The following PRTFDC1 variants were observed in gnomAD, a reference collection of about 807,000 sequenced individuals.
PRTFDC1 encodes phosphoribosyltransferase domain-containing protein 1.
Under a neutral mutation model 34.6 loss-of-function variants are expected in PRTFDC1, and 38 were observed. That is an observed-to-expected ratio of 1.10 (90% CI 0.85 to 1.44). The LOEUF is 1.44. PRTFDC1 is among the 40% of genes most tolerant of loss of function. The pLI is 0.00. For synonymous variants in PRTFDC1, 93 were observed against 98.1 expected, an observed-to-expected ratio of 0.95 and a Z score of 0.31; for missense variants, 270 against 283.0, an observed-to-expected ratio of 0.95 and a Z score of 0.33.
At chr10:24,900,576 T>A (rs551987441) in intron 3 of PRTFDC1, among the ~76,000 whole-genome samples, 1 of 152,236 alleles carries the variant, frequency 6.6e-6, no homozygotes, top group Non-Finnish European at 1.5e-5. Context: ...TGTGAAAGGA[T>A]AACTTGCTGA....
At chr10:24,907,052 A>C (rs1261763975) in intron 3 of PRTFDC1, among the ~76,000 whole-genome samples, 1 of 152,198 alleles carries the variant, frequency 6.6e-6, no homozygotes, top group Non-Finnish European at 1.5e-5. Context: ...AGTATAGATA[A>C]GTATAAAAAT....
At chr10:24,880,813 C>CTCTCTCTTTCTT (rs1555046617) in intron 3 of PRTFDC1, among the ~76,000 whole-genome samples, 7 of 115,016 alleles carry the variant, frequency 6.1e-5, no homozygotes, top group African/African-American at 2.0e-4. Context: ...TACTGTCTTT[C>CTCTCTCTTTCTT]TCTTTCTTTC....
chr10:24,862,720 C>T (rs1444537891), intron 4 of PRTFDC1, among the ~76,000 whole-genome samples: 2 of 151,844 alleles, frequency 1.3e-5, no homozygotes, highest in East Asian at 3.9e-4. Flanking sequence ...TATGGCAACC[C>T]TGTGTTGAGC....
rs753571614 is a variant in PRTFDC1, at chr10:24,937,230, C to A, written c.293G>T (p.Arg98Leu). Residue 98 changes from arginine to leucine, a missense_variant, in exon 3 of 9, where the codon CGA (arginine) becomes CTA (leucine). Arg to Leu is a moderately radical substitution (Grantham distance 102). Coordinates refer to ENST00000320152, the MANE Select transcript of PRTFDC1 (RefSeq NM_020200.7). ...HLKNISRNSD[R>L]FVSMKVDFIR... is the part of the protein sequence containing the mutation. ...GAAATCAACCTTCATTGAGACAAAT[C>A]GATCTGAATTTCGGCTGATGTTCTT... is the stretch of plus-strand genomic sequence containing the variant. 3.1e-6 allele frequency: 5 copies of A among 1,613,806 alleles called. No individual in the cohort carries two copies. The highest frequency in any genetic ancestry group is 1.3e-5 in the African/African-American group (1 of 74,982).
chr10:24,913,907 T>G (rs1262911133), intron 3 of PRTFDC1, among the ~76,000 whole-genome samples: 1 of 152,182 alleles, frequency 6.6e-6, no homozygotes, highest in Non-Finnish European at 1.5e-5. Flanking sequence ...ATTTTTAAAT[T>G]CAGGGACTGA....
chr10:24,944,621 A>G (rs939444274), intron 1 of PRTFDC1, among the ~76,000 whole-genome samples: 2 of 152,132 alleles, frequency 1.3e-5, no homozygotes, highest in Admixed American at 1.3e-4. Context: ...TGTTTCTGCA[A>G]AAAATTAAAA....
chr10:24,870,595 A>C (rs1847853826), intron 4 of PRTFDC1, among the ~76,000 whole-genome samples: 1 of 152,100 alleles, frequency 6.6e-6, no homozygotes, highest in Non-Finnish European at 1.5e-5. Flanking sequence ...AAAACTTATG[A>C]ATTTCTGGAA....
intron 3 of PRTFDC1, among the ~76,000 whole-genome samples, chr10:24,888,008 G>A (rs762213969): frequency 2.6e-5 from 4 of 152,150 alleles, no homozygotes; most frequent in Non-Finnish European, 5.9e-5. Context: ...CAATCCTCCT[G>A]CTTCAGCCTC....
intron 3 of PRTFDC1, among the ~76,000 whole-genome samples, chr10:24,915,734 A>T (rs1394881370): frequency 4.6e-5 from 7 of 152,212 alleles, no homozygotes; most frequent in Admixed American, 4.6e-4. Context: ...CTTCCAGGAC[A>T]TGATTCCCTG....
At chr10:24,876,853 G>T (rs1847975880) in intron 3 of PRTFDC1, among the ~76,000 whole-genome samples, 1 of 41,056 alleles carries the variant, frequency 2.4e-5, no homozygotes, top group Admixed American at 2.8e-4. Flanking sequence ...CCCCGACTCA[G>T]CCCCTGAGGA....
chr10:24,930,435 A>ATGT, intron 3 of PRTFDC1, among the ~76,000 whole-genome samples: 1 of 152,244 alleles, frequency 6.6e-6, no homozygotes, highest in African/African-American at 2.4e-5. Flanking sequence ...ATTTCAGAAA[A>ATGT]AAAAGCAGGT....
intron 3 of PRTFDC1, among the ~76,000 whole-genome samples, chr10:24,912,874 C>T (rs1325070148): frequency 6.6e-6 from 1 of 152,132 alleles, no homozygotes; most frequent in East Asian, 1.9e-4. Context: ...TACCTCCCAT[C>T]CTAAACATGG....
At chr10:24,931,664 G>C (rs1366066553) in intron 3 of PRTFDC1, among the ~76,000 whole-genome samples, 1 of 151,792 alleles carries the variant, frequency 6.6e-6, no homozygotes, top group African/African-American at 2.4e-5. Context: ...CTATTAAAGA[G>C]TGAGAAAACT....
chr10:24,894,125 A>T (rs979293142), intron 3 of PRTFDC1, among the ~76,000 whole-genome samples: 1 of 152,070 alleles, frequency 6.6e-6, no homozygotes, highest in African/African-American at 2.4e-5. Flanking sequence ...AGGTCAGGAG[A>T]TGGAGACCAG....
At chr10:24,908,242 G>T (rs900472545) in intron 3 of PRTFDC1, 26 of 413,820 alleles carry the variant, frequency 6.3e-5, no homozygotes, top group African/African-American at 5.1e-4. Context: ...GCGTTGCGTT[G>T]AATTGAACAT....
Position 24,952,493 on chromosome 10 carries a change from C to A in PRTFDC1, c.48+35G>T. The A allele has an allele frequency of 6.4e-7, 1 of 1,560,682 alleles. No homozygotes were observed. The highest frequency in any genetic ancestry group is 8.7e-7 in the Non-Finnish European group (1 of 1,150,442). ...GCAGGGTGCCAGGGAGGGAGGGGAG[C>A]GGGCCGAGCCCCAAAATAGGGAGTT... On this transcript the variant is annotated intron_variant, in intron 1 of 8. Coordinates refer to ENST00000320152, the MANE Select transcript of PRTFDC1 (RefSeq NM_020200.7). This position sits in a 1 kb window ranked among gnomAD's most constrained non-coding sequence, Gnocchi z 5.1.
intron 3 of PRTFDC1, among the ~76,000 whole-genome samples, chr10:24,910,767 A>C (rs1430876461): frequency 6.6e-6 from 1 of 152,226 alleles, no homozygotes; most frequent in African/African-American, 2.4e-5. Context: ...ATTTACAAAA[A>C]TAGTGATTAC....
intron 6 of PRTFDC1, among the ~76,000 whole-genome samples, chr10:24,855,801 C>G (rs10741068): frequency 1.3e-5 from 2 of 151,536 alleles, no homozygotes; most frequent in African/African-American, 4.9e-5. Flanking sequence ...TCTCAAAAAG[C>G]AGATAAAATA....
intron 4 of PRTFDC1, among the ~76,000 whole-genome samples, chr10:24,862,532 G>A (rs117081154): frequency 0.011 from 1,621 of 151,870 alleles, 12 homozygotes; most frequent in Middle Eastern, 0.031. Context: ...GCACCATCAC[G>A]CATGCATAAT....
Sources: gnomAD v4.1 joint callset for allele counts (sites outside exome capture counted in the v4.1 genomes callset) on GRCh38, gnomAD v4.1.1 for gene constraint, Gnocchi (gnomAD v3.1) non-coding constraint, MANE v1.5 for transcripts, NCBI Gene and HGNC (gene_info 2026-07-23, HGNC 2026-07-21) for gene names.